GRID2: variants seen among roughly 807,000 people sequenced by gnomAD.
GRID2 encodes the protein glutamate ionotropic receptor delta type subunit 2.
In GRID2, 33 loss-of-function variants were observed where a neutral mutation model predicts 114.8. The ratio of observed to expected loss-of-function variants is 0.29; its 90% CI spans 0.22 to 0.38. The LOEUF (loss-of-function observed/expected upper bound fraction) is 0.38. Ranked by LOEUF, GRID2 falls within the 10% of genes least tolerant of loss-of-function variation. The pLI is 1.00. For synonymous variants in GRID2, 505 were observed against 449.9 expected (o/e 1.12, Z -1.55); for missense variants, 1,184 against 1,257.7 (o/e 0.94, Z 0.89).
intron 13 of GRID2, among the ~76,000 whole-genome samples, chr4:93,594,449 C>G (rs1738807280): frequency 6.6e-6 from 1 of 152,146 alleles, no homozygotes; most frequent in Non-Finnish European, 1.5e-5. Flanking sequence ...AACCACTGCT[C>G]TCTTCAAAGC....
At chr4:93,162,101 G>C (rs969699426) in intron 4 of GRID2, among the ~76,000 whole-genome samples, 1 of 151,712 alleles carries the variant, frequency 6.6e-6, no homozygotes, top group African/African-American at 2.4e-5. Context: ...TGTTAGGACT[G>C]TCATAGTGGA....
chr4:92,870,031 C>CA (rs889122625), intron 2 of GRID2, among the ~76,000 whole-genome samples: 4 of 148,830 alleles, frequency 2.7e-5, no homozygotes, highest in South Asian at 2.1e-4. Context: ...CCCGTCTCCA[C>CA]AAAAAAATTA....
At chr4:93,245,668 G>C (rs540518909) in intron 8 of GRID2, among the ~76,000 whole-genome samples, 2 of 152,252 alleles carry the variant, frequency 1.3e-5, no homozygotes, top group African/African-American at 4.8e-5. Context: ...GACATACCTG[G>C]GTTGAAATTC....
intron 2 of GRID2, among the ~76,000 whole-genome samples, chr4:92,970,592 A>AT (rs1353309610): frequency 6.6e-6 from 1 of 152,000 alleles, no homozygotes; most frequent in African/African-American, 2.4e-5. Flanking sequence ...CTGAGAGCAC[A>AT]TATCTAGAAT....
intron 2 of GRID2, among the ~76,000 whole-genome samples, chr4:92,880,337 A>T (rs1237216829): frequency 3.3e-5 from 5 of 152,188 alleles, no homozygotes; most frequent in Non-Finnish European, 7.3e-5. Flanking sequence ...TCTTTATCTT[A>T]GATGTCTTCA....
intron 1 of GRID2, among the ~76,000 whole-genome samples, chr4:92,524,940 A>G (rs544020899): frequency 1.2e-3 from 181 of 152,056 alleles, no homozygotes; most frequent in Non-Finnish European, 1.8e-3. Context: ...AGGAATATAA[A>G]CCCTTGGTTT....
chr4:93,534,328 G>A (rs979747651), intron 13 of GRID2, among the ~76,000 whole-genome samples: 1 of 151,928 alleles, frequency 6.6e-6, no homozygotes, highest in Admixed American at 6.6e-5. Flanking sequence ...TTACAACATG[G>A]TGTTTTGATA....
At position 92,785,508 on chromosome 4, in the gene GRID2, A is replaced by G. The variant is rs528406974; in HGVS notation, c.244+195222A>G. 1.5e-3 allele frequency among the ~76,000 whole-genome samples: 225 copies of G among 151,900 alleles called. 1 individual carries two copies. Among genetic ancestry groups the G allele is most frequent in the African/African-American group, 5.1e-3 (210 of 41,544 alleles). ...AATTAACTTTTTTAAGTTCTAAGTC[A>G]GTATTCTAACCAAAAATACAATTTT... is the stretch of plus-strand genomic sequence containing the variant. On this transcript the variant is annotated intron_variant, in intron 2 of 15. Transcript: ENST00000282020.
intron 14 of GRID2, among the ~76,000 whole-genome samples, chr4:93,713,428 AATTTATTTATTT>A (rs61147386): frequency 1.3e-5 from 2 of 150,230 alleles, no homozygotes; most frequent in African/African-American, 5.0e-5. Flanking sequence ...TTAAATGTGG[AATTTATTTATTT>A]ATTTATTTAT....
chr4:92,848,323 C>A lies in GRID2; in HGVS notation c.245-236672C>A, dbSNP rs1161071754. Among the ~76,000 whole-genome samples the A allele has an allele frequency of 2.6e-5, 4 of 151,560 alleles. No individual in the cohort carries two copies. In the East Asian group the frequency reaches 7.8e-4, roughly 29 times the overall value. ...AGACACAAGTTAGGCTTTCAATTCT[C>A]TCCTTTCTCTACTGCCTTCCCTTCC... On this transcript the variant is annotated intron_variant, in intron 2 of 15. Transcript: ENST00000282020.
chr4:92,760,495 C>G (rs923665841), intron 2 of GRID2, among the ~76,000 whole-genome samples: 1 of 152,062 alleles, frequency 6.6e-6, no homozygotes. Flanking sequence ...CCTCACCATA[C>G]CCAGAACTAC....
chr4:92,973,044 C>T (rs999763838), intron 2 of GRID2, among the ~76,000 whole-genome samples: 2 of 151,974 alleles, frequency 1.3e-5, no homozygotes. Context: ...GTCTTTGTTA[C>T]TGTGAATAGT....
At chr4:93,420,638 A>T (rs1487218988) in intron 9 of GRID2, among the ~76,000 whole-genome samples, 1 of 152,130 alleles carries the variant, frequency 6.6e-6, no homozygotes, top group African/African-American at 2.4e-5. Flanking sequence ...AATGATCTTC[A>T]ATATTCATTA....
chr4:92,593,928 A>G (rs1481292990), intron 2 of GRID2, among the ~76,000 whole-genome samples: 1 of 150,182 alleles, frequency 6.7e-6, no homozygotes, highest in East Asian at 1.9e-4. Context: ...AAATACAAAA[A>G]GAAAAAAAAA....
At chr4:92,464,279 C>T (rs114450701) in intron 1 of GRID2, among the ~76,000 whole-genome samples, 202 of 152,108 alleles carry the variant, frequency 1.3e-3, no homozygotes, top group Middle Eastern at 6.8e-3. Flanking sequence ...AAAAACTCAA[C>T]CCCACAGTAT....
In GRID2 at chr4:93,542,245, G is replaced by A. The variant is rs148829100; in HGVS notation, c.2193+26834G>A. 7.9e-3 allele frequency among the ~76,000 whole-genome samples: 1,199 copies of A among 152,212 alleles called. 6 individuals are homozygous for A. The highest frequency in any genetic ancestry group is 0.017 in the Middle Eastern group (5 of 292). On this transcript the variant is annotated intron_variant, in intron 13 of 15. Transcript: ENST00000282020. ...TGTTTCTACCCACCTAAAATAATGC[G>A]TAGTGGCACTGAATTAATGTTTATT...
chr4:93,060,376 A>G (rs966038385), intron 2 of GRID2, among the ~76,000 whole-genome samples: 3 of 152,132 alleles, frequency 2.0e-5, no homozygotes, highest in Non-Finnish European at 2.9e-5. Flanking sequence ...ACTGCCTGCT[A>G]TATTCTGATA....
intron 8 of GRID2, among the ~76,000 whole-genome samples, chr4:93,353,311 T>C (rs1560530401): frequency 6.6e-6 from 1 of 152,036 alleles, no homozygotes; most frequent in Non-Finnish European, 1.5e-5. Context: ...CCAGGAACCC[T>C]GGAAAAATTA....
At chr4:93,599,468 T>G (rs1379011605) in intron 13 of GRID2, among the ~76,000 whole-genome samples, 1 of 152,218 alleles carries the variant, frequency 6.6e-6, no homozygotes, top group Non-Finnish European at 1.5e-5. Flanking sequence ...AAAAATAATT[T>G]TATCATCATT....
Sources: allele counts gnomAD v4.1 joint callset (sites outside exome capture counted in the v4.1 genomes callset), GRCh38; gene constraint gnomAD v4.1.1; transcripts MANE v1.5; gene names NCBI Gene and HGNC (gene_info 2026-07-23, HGNC 2026-07-21).